The following ATG16L2 variants were observed in gnomAD, a reference collection of about 807,000 sequenced individuals.
ATG16L2 encodes the protein protein Atg16l2.
In ATG16L2, 77 loss-of-function variants were observed where a neutral mutation model predicts 84.7. That is an observed-to-expected ratio of 0.91 (90% CI 0.76 to 1.10). The LOEUF (loss-of-function observed/expected upper bound fraction) is 1.10, where lower values mean the gene tolerates loss of function less well. Ranked by LOEUF, ATG16L2 falls within the 50% of genes least tolerant of loss-of-function variation. ATG16L2 has a pLI of 0.00. For missense variants in ATG16L2, 782 were observed against 817.6 expected (o/e 0.96, Z 0.53); for synonymous variants, 361 against 342.8 (o/e 1.05, Z -0.59).
At chr11:72,830,470 A>C (rs1860581858), downstream of ATG16L2, among the ~76,000 whole-genome samples, 1 of 151,930 alleles carries the variant, frequency 6.6e-6, no homozygotes, top group Admixed American at 6.5e-5. Flanking sequence ...TTCCCTTACT[A>C]TGGCCAGAGT....
intron 1 of ATG16L2, chr11:72,816,045 C>G (rs1180788995): frequency 6.6e-6 from 1 of 152,380 alleles, no homozygotes; most frequent in African/African-American, 2.4e-5. Flanking sequence ...GTGGTGTGAT[C>G]TCCGCTCACT....
rs1565264755 is a variant in ATG16L2 at position 72,822,499 on chromosome 11, C to T, written c.666C>T (p.Ser222=). The T allele has an allele frequency of 6.2e-7, 1 of 1,613,140 alleles. No homozygotes were observed. The highest frequency in any genetic ancestry group is 8.5e-7 in the Non-Finnish European group (1 of 1,179,582). The change falls in exon 6 of 18, where the codon TCC becomes TCT. Residue 222 remains serine (S), a synonymous_variant. Transcript: ENST00000321297. This position sits in a 1 kb window ranked among gnomAD's most constrained non-coding sequence, Gnocchi z 4.2. ...CAAGGGCCAAGCAGGCGCGGGTGTCCCAGGAGCTGAAGAAGGCTGCCAAGC... is the reference window on the plus strand; with the variant it reads ...CAAGGGCCAAGCAGGCGCGGGTGTCTCAGGAGCTGAAGAAGGCTGCCAAGC... The part of the protein sequence containing the change: ...RRERAKQARV[S]QELKKAAKRT...
At chr11:72,825,444 C>T in intron 10 of ATG16L2, 37 bp downstream of exon 10, 1 of 1,513,098 alleles carries the variant, frequency 6.6e-7, no homozygotes, top group Middle Eastern at 1.7e-4. Context: ...CTTGGTGCTT[C>T]TCTCCAGACC....
chr11:72,829,187 G>A (rs1226162118), intron 17 of ATG16L2, 116 bp from the exon 18 acceptor site: 3 of 1,231,190 alleles, frequency 2.4e-6, no homozygotes, highest in Non-Finnish European at 3.4e-6. Context: ...CTTGACAGAT[G>A]AGGAAACAGG....
At chr11:72,832,542 T>A (rs1860628846), downstream of ATG16L2, among the ~76,000 whole-genome samples, 1 of 152,196 alleles carries the variant, frequency 6.6e-6, no homozygotes, top group Non-Finnish European at 1.5e-5. Flanking sequence ...GCCTCTTCAG[T>A]CCCGTTCAGC....
chr11:72,835,747 ATTT>A (rs112275640), intron 5 of ATG16L2, among the ~76,000 whole-genome samples: 2 of 139,432 alleles, frequency 1.4e-5, no homozygotes, highest in Non-Finnish European at 3.2e-5. Context: ...ACTGGAACAT[ATTT>A]TTTTTTTTTT....
In ATG16L2 at chr11:72,816,746, AG is replaced by A; in HGVS notation, c.139del (p.Ala47LeufsTer43). The A allele has an allele frequency of 6.2e-7, 1 of 1,614,182 alleles. No homozygotes were observed. Among genetic ancestry groups the A allele is most frequent in the Non-Finnish European group, 8.5e-7 (1 of 1,180,004 alleles). On this transcript the variant is annotated frameshift_variant, in exon 2 of 18. Coordinates refer to ENST00000321297, the MANE Select transcript of ATG16L2 (RefSeq NM_033388.2). LOFTEE classifies it high-confidence loss of function. ...TCTCCAGATAACCATCTCTTAGAGA[AG>A]GCTGAGCTGCTGGACAAGTTCTCAA... is the stretch of plus-strand genomic sequence containing the variant. ...LVPAYNHLLE[K>X]AELLDKFSKK... is the part of the protein sequence containing the mutation.
At chr11:72,833,437 A>G (rs1019394856), downstream of ATG16L2, among the ~76,000 whole-genome samples, 2 of 152,206 alleles carry the variant, frequency 1.3e-5, no homozygotes, top group African/African-American at 4.8e-5. Flanking sequence ...AGCAGGGTCC[A>G]GAAGGTGAAG....
chr11:72,840,989 T>C (rs1591328279), intron 5 of ATG16L2: 1 of 1,547,896 alleles, frequency 6.5e-7, no homozygotes, highest in Non-Finnish European at 8.9e-7. Context: ...AAGCTCATTT[T>C]ACTTGAGTTG....
intron 5 of ATG16L2, among the ~76,000 whole-genome samples, chr11:72,834,723 C>T (rs1591321060): frequency 6.6e-6 from 1 of 152,210 alleles, no homozygotes; most frequent in Admixed American, 6.5e-5. Context: ...GCTGGGATTA[C>T]AGGTACCCAC....
chr11:72,816,759 G>A lies in ATG16L2; in HGVS notation c.150G>A (p.Leu50=). The A allele has an allele frequency of 6.2e-7, 1 of 1,614,196 alleles. No individual in the cohort carries two copies. The highest frequency in any genetic ancestry group is 8.5e-7 in the Non-Finnish European group (1 of 1,180,004). The change falls in exon 2 of 18, where the codon CTG becomes CTA. Residue 50 remains leucine (L), a synonymous_variant. Coordinates refer to ENST00000321297, the MANE Select transcript of ATG16L2 (RefSeq NM_033388.2). ...ATCTCTTAGAGAAGGCTGAGCTGCT[G>A]GACAAGTTCTCAAAGAAGCTGCAGC... ...YNHLLEKAEL[L]DKFSKKLQPE... is the part of the protein sequence containing the mutation.
intron 11 of ATG16L2, 79 bp from the exon 12 acceptor site, chr11:72,826,439 C>A: frequency 1.3e-6 from 2 of 1,568,068 alleles, no homozygotes. Context: ...AACTGTGAGG[C>A]AGCCCCTAGC....
intron 5 of ATG16L2, chr11:72,841,364 A>AAG (rs1860931140): frequency 1.0e-6 from 1 of 999,682 alleles, no homozygotes; most frequent in African/African-American, 1.8e-5. Context: ...AAAAAAAAAA[A>AAG]GCAAATGCAG....
intron 5 of ATG16L2, chr11:72,841,015 G>T: frequency 7.6e-7 from 1 of 1,317,572 alleles, no homozygotes; most frequent in Non-Finnish European, 1.1e-6. Context: ...CAATAATGCT[G>T]ATGCAAGGCT....
At chr11:72,843,551 A>G in exon 6 of ATG16L2, 1 of 1,588,924 alleles carries the variant, frequency 6.3e-7, no homozygotes, top group South Asian at 1.1e-5. Flanking sequence ...TAGGATGGTC[A>G]TGGACAAAAT....
At chr11:72,814,683 C>A in intron 1 of ATG16L2, 120 bp downstream of exon 1, 4 of 744,400 alleles carry the variant, frequency 5.4e-6, no homozygotes, top group Non-Finnish European at 8.0e-6. Flanking sequence ...ATGCCTTGAG[C>A]CTGTGCGTTA....
At chr11:72,828,251 G>A in intron 14 of ATG16L2, 108 bp from the exon 15 acceptor site, 1 of 1,312,248 alleles carries the variant, frequency 7.6e-7, no homozygotes, top group Non-Finnish European at 1.1e-6. Flanking sequence ...GGGCCCTGGG[G>A]TTCCTCCGGA....
At chr11:72,832,691 G>T (rs1277462611), downstream of ATG16L2, among the ~76,000 whole-genome samples, 1 of 152,212 alleles carries the variant, frequency 6.6e-6, no homozygotes, top group Non-Finnish European at 1.5e-5. Context: ...GCACTCATGG[G>T]TATAAAAACT....
Position 72,828,943 on chromosome 11 carries a change from G to A in ATG16L2, c.1731G>A (p.Val577=). ...SCDGALYIWD[V]DTGKLESRLQ... ...ATGGGGCCCTTTACATCTGGGATGT[G>A]GACACCGGGAAACTGGAGAGCAGAC... Residue 577 remains valine, a synonymous_variant, in exon 17 of 18, where the codon GTG becomes GTA. Transcript: ENST00000321297. 1 of 1,614,176 alleles carries A rather than the reference G, an allele frequency of 6.2e-7. No homozygotes were observed. Among genetic ancestry groups the A allele is most frequent in the Non-Finnish European group, 8.5e-7 (1 of 1,180,040 alleles).
Sources: allele counts gnomAD v4.1 joint callset (sites outside exome capture counted in the v4.1 genomes callset), GRCh38; gene constraint gnomAD v4.1.1; non-coding constraint Gnocchi (gnomAD v3.1); transcripts MANE v1.5; gene names NCBI Gene and HGNC (gene_info 2026-07-23, HGNC 2026-07-21).